MAGI1: variants seen among roughly 807,000 people sequenced by gnomAD.
MAGI1 encodes the protein membrane associated guanylate kinase, WW and PDZ domain containing 1, also known as membrane-associated guanylate kinase, WW and PDZ domain-containing protein 1.
In MAGI1, 58 loss-of-function variants were observed where a neutral mutation model predicts 139.9. The observed-to-expected ratio is 0.41, with a 90% CI of 0.34 to 0.52. The LOEUF is 0.52. MAGI1 is among the 20% of genes least tolerant of loss of function. The pLI is 0.12. For synonymous variants in MAGI1, 812 were observed against 737.9 expected (o/e 1.10, Z -1.63); for missense variants, 1,874 against 1,901.6 (o/e 0.99, Z 0.27).
intron 1 of MAGI1, among the ~76,000 whole-genome samples, chr3:65,695,910 T>C (rs2089141925): frequency 6.6e-6 from 1 of 152,088 alleles, no homozygotes; most frequent in East Asian, 1.9e-4. Flanking sequence ...TCATCCTACA[T>C]CACCTAAGAT....
chr3:65,440,809 ATATG>A (rs1559556008), intron 8 of MAGI1, among the ~76,000 whole-genome samples: 3 of 148,958 alleles, frequency 2.0e-5, no homozygotes, highest in Non-Finnish European at 4.4e-5. Flanking sequence ...ATATGTATAC[ATATG>A]TATATGTGTA....
chr3:65,993,466 C>T (rs1243330516), intron 1 of MAGI1, among the ~76,000 whole-genome samples: 1 of 152,174 alleles, frequency 6.6e-6, no homozygotes, highest in Non-Finnish European at 1.5e-5. Context: ...GAATAACTCA[C>T]AGAGAAACAC....
At chr3:65,948,436 A>G (rs1271606322) in intron 1 of MAGI1, among the ~76,000 whole-genome samples, 2 of 152,184 alleles carry the variant, frequency 1.3e-5, no homozygotes, top group African/African-American at 2.4e-5. Context: ...AAAAAACCCA[A>G]TACATGTGCC....
intron 1 of MAGI1, among the ~76,000 whole-genome samples, chr3:65,668,806 C>T (rs1266998331): frequency 6.6e-6 from 1 of 151,890 alleles, no homozygotes; most frequent in Non-Finnish European, 1.5e-5. Flanking sequence ...CCTGCCTCGA[C>T]CTCCCAAAGA....
At chr3:65,383,966 C>T (rs1226199006) in intron 14 of MAGI1, among the ~76,000 whole-genome samples, 1 of 152,150 alleles carries the variant, frequency 6.6e-6, no homozygotes, top group Non-Finnish European at 1.5e-5. Context: ...TTATTATGTG[C>T]CACACCACAA....
chr3:65,730,454 A>T (rs1019954328), intron 1 of MAGI1, among the ~76,000 whole-genome samples: 1 of 152,222 alleles, frequency 6.6e-6, no homozygotes. Context: ...ATGAGTATCC[A>T]TCATCTTTAC....
intron 1 of MAGI1, among the ~76,000 whole-genome samples, chr3:65,861,693 G>A (rs1195507373): frequency 1.3e-5 from 2 of 152,116 alleles, no homozygotes; most frequent in South Asian, 4.1e-4. Context: ...TGGTGAGTGG[G>A]AGCTTGCAGA....
intron 1 of MAGI1, among the ~76,000 whole-genome samples, chr3:65,697,840 C>A (rs1300857279): frequency 1.3e-5 from 1 of 79,210 alleles, no homozygotes. Flanking sequence ...TCTCTCACCA[C>A]TCCTATTCAA....
intron 1 of MAGI1, among the ~76,000 whole-genome samples, chr3:65,851,248 G>A (rs2059191761): frequency 6.6e-6 from 1 of 152,116 alleles, no homozygotes; most frequent in Non-Finnish European, 1.5e-5. Context: ...ATCCACATCA[G>A]GATTGTTGAC....
intron 2 of MAGI1, among the ~76,000 whole-genome samples, chr3:65,523,047 T>C (rs567297088): frequency 1.1e-4 from 17 of 152,192 alleles, no homozygotes; most frequent in African/African-American, 3.1e-4. Context: ...CCACTCTCCA[T>C]TGGAATGACA....
chr3:65,846,563 T>C (rs556529465), intron 1 of MAGI1, among the ~76,000 whole-genome samples: 8 of 152,212 alleles, frequency 5.3e-5, no homozygotes, highest in Non-Finnish European at 1.2e-4. Context: ...TTATAGTAAG[T>C]CTGAGTAGCA....
chr3:65,996,620 C>T (rs1457211418), intron 1 of MAGI1, among the ~76,000 whole-genome samples: 5 of 151,230 alleles, frequency 3.3e-5, no homozygotes, highest in Non-Finnish European at 5.9e-5. Context: ...TGAAGTCAGA[C>T]TTCCGCTCGC....
intron 1 of MAGI1, among the ~76,000 whole-genome samples, chr3:65,866,789 G>GA (rs111427074): frequency 0.16 from 23,854 of 150,644 alleles, 2,400 homozygotes; most frequent in East Asian, 0.33. Context: ...AATCAGCTAG[G>GA]AAAAAAGAAC....
intron 1 of MAGI1, among the ~76,000 whole-genome samples, chr3:65,907,834 C>T (rs1043448758): frequency 2.0e-5 from 3 of 152,136 alleles, no homozygotes; most frequent in African/African-American, 4.8e-5. Context: ...TTGTCACTGG[C>T]TTTTTAGGAA....
intron 1 of MAGI1, among the ~76,000 whole-genome samples, chr3:65,924,302 G>C (rs2062384878): frequency 6.6e-6 from 1 of 152,158 alleles, no homozygotes; most frequent in Non-Finnish European, 1.5e-5. Context: ...TTGCCTTCCA[G>C]AGAAGCTACT....
intron 1 of MAGI1, among the ~76,000 whole-genome samples, chr3:65,956,465 A>G (rs1466848926): frequency 6.6e-6 from 1 of 152,194 alleles, no homozygotes; most frequent in Non-Finnish European, 1.5e-5. Context: ...TCAAATGATC[A>G]CCTAGTAGCC....
At chr3:65,701,718 G>A (rs901973413) in intron 1 of MAGI1, among the ~76,000 whole-genome samples, 1 of 152,042 alleles carries the variant, frequency 6.6e-6, no homozygotes, top group African/African-American at 2.4e-5. Context: ...GCCAAGAAAT[G>A]GTCTCTGGTG....
chr3:65,824,237 CT>C (rs2042104530), intron 1 of MAGI1, among the ~76,000 whole-genome samples: 1 of 152,312 alleles, frequency 6.6e-6, no homozygotes, highest in African/African-American at 2.4e-5. Context: ...CCTGCTCTGC[CT>C]TTTCCCTAAG....
intron 1 of MAGI1, among the ~76,000 whole-genome samples, chr3:65,637,957 A>T (rs1279314923): frequency 2.0e-5 from 3 of 152,210 alleles, no homozygotes; most frequent in African/African-American, 7.2e-5. Flanking sequence ...AGCCTAGAAT[A>T]GAGTCTCTTG....
Sources: allele counts gnomAD v4.1 joint callset (sites outside exome capture counted in the v4.1 genomes callset), GRCh38; gene constraint gnomAD v4.1.1; transcripts MANE v1.5; gene names NCBI Gene and HGNC (gene_info 2026-07-23, HGNC 2026-07-21).